SLC7A5: variants seen among roughly 807,000 people sequenced by gnomAD.
SLC7A5 encodes the protein large neutral amino acids transporter small subunit 1.
In SLC7A5, 23 loss-of-function variants were observed where a neutral mutation model predicts 50.2. The ratio of observed to expected loss-of-function variants is 0.46; its 90% CI spans 0.33 to 0.65. The LOEUF is 0.65. SLC7A5 is among the 30% of genes least tolerant of loss of function. The pLI, the probability that SLC7A5 is intolerant of heterozygous loss-of-function variation, is 0.02. For synonymous variants in SLC7A5, 393 were observed against 330.6 expected, an observed-to-expected ratio of 1.19 and a Z score of -2.05; for missense variants, 578 against 684.4, an observed-to-expected ratio of 0.84 and a Z score of 1.73.
At chr16:87,834,681 C>T in intron 8 of SLC7A5, 90 bp from the exon 9 acceptor site, 1 of 1,345,306 alleles carries the variant, frequency 7.4e-7, no homozygotes, top group African/African-American at 1.4e-5. Flanking sequence ...CTGGGCCCTC[C>T]ACACCCACGG....
intron 2 of SLC7A5, among the ~76,000 whole-genome samples, chr16:87,846,903 A>G (rs2055161274): frequency 6.6e-6 from 1 of 152,182 alleles, no homozygotes; most frequent in Non-Finnish European, 1.5e-5. Flanking sequence ...TCCTCCCTGC[A>G]AGGGAGGACA....
At chr16:87,868,583 C>CA (rs2055492230) in intron 1 of SLC7A5, among the ~76,000 whole-genome samples, 1 of 152,166 alleles carries the variant, frequency 6.6e-6, no homozygotes, top group Non-Finnish European at 1.5e-5. Context: ...TCAGCGGGGC[C>CA]AACGGGAGGG....
chr16:87,844,400 C>A (rs546894549), intron 2 of SLC7A5, among the ~76,000 whole-genome samples: 19 of 152,310 alleles, frequency 1.2e-4, no homozygotes, highest in African/African-American at 4.6e-4. Context: ...GAAAAGTGGC[C>A]TTGATCCCTG....
In SLC7A5 at chr16:87,840,488, A is replaced by G. The variant is rs2055069600; in HGVS notation, c.771-15T>C. The G allele has an allele frequency of 6.3e-7, 1 of 1,591,498 alleles. No individual in the cohort carries two copies. The highest frequency in any genetic ancestry group is 8.6e-7 in the Non-Finnish European group (1 of 1,163,556). ...TCAAGTAATTCCTAAAATTTAGAGAACAGCGTTCAAATTATATGATCCTCA... is the reference window on the plus strand; with the variant it reads ...TCAAGTAATTCCTAAAATTTAGAGAGCAGCGTTCAAATTATATGATCCTCA... On this transcript the variant is annotated splice_polypyrimidine_tract_variant and intron_variant, in intron 3 of 9. Transcript: ENST00000261622.
rs1567501978 is a variant in SLC7A5 at position 87,861,330 on chromosome 16, C to T, written c.538+7555G>A. On this transcript the variant is annotated intron_variant, in intron 1 of 9. Coordinates refer to ENST00000261622, the MANE Select transcript of SLC7A5 (RefSeq NM_003486.7). The surrounding 1 kb of genome is among the most constrained non-coding windows in gnomAD (Gnocchi z 4.2). ...AGATGAGCCTCTGACCCACCTGTGT[C>T]CTTACCTGGGCCGACTGGGCCACCC... Among the ~76,000 whole-genome samples the T allele has an allele frequency of 6.6e-6, 1 of 152,098 alleles. No homozygotes were observed. Among genetic ancestry groups the T allele is most frequent in the Non-Finnish European group, 1.5e-5 (1 of 67,990 alleles).
chr16:87,832,637 C>T lies in SLC7A5; in HGVS notation c.*333G>A, dbSNP rs1407798011. 6.3e-6 allele frequency: 1 copy of T among 159,704 alleles called. No homozygotes were observed. The highest frequency in any genetic ancestry group is 1.4e-5 in the Non-Finnish European group (1 of 72,814). 9.9% of individuals were successfully genotyped at this position (159,704 alleles called of 1,614,324 possible). A position where few individuals can be genotyped will look rare whatever the true frequency, so the allele number is the denominator to read the frequency against. On this transcript the variant is annotated 3_prime_UTR_variant, in exon 10 of 10. Transcript: ENST00000261622. This position sits in a 1 kb window ranked among gnomAD's most constrained non-coding sequence, Gnocchi z 4.6. ...GCCTTCCCCCAGCTCCTTAAAAAATCATCTTAGTGGTGTCAAGTTGACCCA... is the reference window on the plus strand; with the variant it reads ...GCCTTCCCCCAGCTCCTTAAAAAATTATCTTAGTGGTGTCAAGTTGACCCA...
In SLC7A5 at chr16:87,861,009, G is replaced by A. The variant is rs1278244418; in HGVS notation, c.538+7876C>T. On this transcript the variant is annotated intron_variant, in intron 1 of 9. Coordinates refer to ENST00000261622, the MANE Select transcript of SLC7A5 (RefSeq NM_003486.7). The surrounding 1 kb of genome is among the most constrained non-coding windows in gnomAD (Gnocchi z 4.2). ...TTCGGCCAGTATCAGGGAAGGAGACGCTGTGGGGGGCCCTCCTGTTGGAAA... is the reference window on the plus strand; with the variant it reads ...TTCGGCCAGTATCAGGGAAGGAGACACTGTGGGGGGCCCTCCTGTTGGAAA... Among the ~76,000 whole-genome samples the A allele has an allele frequency of 2.0e-5, 3 of 152,244 alleles. No homozygotes were observed. Among genetic ancestry groups the A allele is most frequent in the Admixed American group, 6.5e-5 (1 of 15,294 alleles).
chr16:87,831,297 G>A lies in SLC7A5; in HGVS notation c.*1673C>T, dbSNP rs928160820. 6.6e-6 allele frequency: 1 copy of A among 152,362 alleles called. No individual in the cohort carries two copies. Among genetic ancestry groups the A allele is most frequent in the African/African-American group, 2.4e-5 (1 of 41,452 alleles). The allele number at this position is 152,362 out of a possible 1,614,324, so 9.4% of individuals were successfully genotyped here. Reference sequence around the variant, plus strand: ...TGTGCAGCGGGAAGCAACGGGGCAGGGGTGAATAAAGGTCTTCATTCCTCA... The same window carrying A: ...TGTGCAGCGGGAAGCAACGGGGCAGAGGTGAATAAAGGTCTTCATTCCTCA... On this transcript the variant is annotated 3_prime_UTR_variant, in exon 10 of 10. Transcript: ENST00000261622.
chr16:87,851,612 C>T (rs998355033), intron 2 of SLC7A5, 112 bp downstream of exon 2: 4 of 1,319,478 alleles, frequency 3.0e-6, no homozygotes, highest in Admixed American at 1.9e-5. Flanking sequence ...CGTTGTACAG[C>T]ACTGCAGAGC....
chr16:87,868,768 G>A (rs2055494880), intron 1 of SLC7A5, 117 bp downstream of exon 1: 1 of 1,109,770 alleles, frequency 9.0e-7, no homozygotes, highest in Admixed American at 2.0e-5. Context: ...TAGAACTGCC[G>A]GGATGGTCCA....
At chr16:87,840,381 C>G in intron 4 of SLC7A5, 48 bp downstream of exon 4, 1 of 1,514,600 alleles carries the variant, frequency 6.6e-7, no homozygotes, top group Non-Finnish European at 9.2e-7. Context: ...CTTCCTGCCT[C>G]ACATTAAAAT....
rs34380332 is a variant in SLC7A5 at position 87,842,894 on chromosome 16, A to C, written c.665-1739T>G. On this transcript the variant is annotated intron_variant, in intron 2 of 9. Coordinates refer to ENST00000261622, the MANE Select transcript of SLC7A5 (RefSeq NM_003486.7). ...GCACAGCCCCTCTGGCCTCTCTCCCATCTGCTCTCTGATGGAATGTTCTGG... is the reference window on the plus strand; with the variant it reads ...GCACAGCCCCTCTGGCCTCTCTCCCCTCTGCTCTCTGATGGAATGTTCTGG... Among the ~76,000 whole-genome samples, 9 of 151,962 alleles carry C rather than the reference A, an allele frequency of 5.9e-5. No individual in the cohort carries two copies. The East Asian group carries it at 1.6e-3, about 26-fold the overall frequency.
chr16:87,866,334 G>C (rs147950759), intron 1 of SLC7A5, among the ~76,000 whole-genome samples: 2,014 of 152,306 alleles, frequency 0.013, 49 homozygotes, highest in African/African-American at 0.046. Context: ...AACTCTGGGG[G>C]TCGGGGGTGG....
At chr16:87,845,324 C>T (rs563215273) in intron 2 of SLC7A5, among the ~76,000 whole-genome samples, 1 of 152,340 alleles carries the variant, frequency 6.6e-6, no homozygotes, top group Admixed American at 6.5e-5. Flanking sequence ...ATGTGGTCAG[C>T]ACCCTGGAGC....
At position 87,832,758 on chromosome 16, in the gene SLC7A5, C is replaced by G; in HGVS notation, c.*212G>C. The G allele has an allele frequency of 1.8e-6, 1 of 560,162 alleles. No homozygotes were observed. The allele number at this position is 560,162 out of a possible 1,614,324, so 34.7% of individuals were successfully genotyped here. The stretch of plus-strand genomic sequence containing the variant: ...CAAAAGCTGCTCCTGGGCAGGAGCA[C>G]AGGCACACCTGGGTCCCTGGCCCTC... On this transcript the variant is annotated 3_prime_UTR_variant, in exon 10 of 10. Transcript: ENST00000261622. The surrounding 1 kb of genome is among the most constrained non-coding windows in gnomAD (Gnocchi z 4.6).
intron 1 of SLC7A5, among the ~76,000 whole-genome samples, chr16:87,867,288 C>G (rs1597522411): frequency 6.6e-6 from 1 of 152,158 alleles, no homozygotes; most frequent in Non-Finnish European, 1.5e-5. Context: ...CGTTACATAC[C>G]GGGCCGACAT....
rs1282925441 is a variant in SLC7A5, at chr16:87,833,888, CT to C, written c.1468+525del. On this transcript the variant is annotated intron_variant, in intron 9 of 9. Coordinates refer to ENST00000261622, the MANE Select transcript of SLC7A5 (RefSeq NM_003486.7). The surrounding 1 kb of genome is among the most constrained non-coding windows in gnomAD (Gnocchi z 6.0). ...TTTTTTTTTTGAGAAGAGTCTCGCTCTGTCGCCCAGGCTGGAGTGCAATGGT... is the reference window on the plus strand; with the variant it reads ...TTTTTTTTTTGAGAAGAGTCTCGCTCGTCGCCCAGGCTGGAGTGCAATGGT... 6.0e-5 allele frequency among the ~76,000 whole-genome samples: 9 copies of C among 149,584 alleles called. No homozygotes were observed. Among genetic ancestry groups the C allele is most frequent in the African/African-American group, 2.2e-4 (9 of 40,246 alleles).
rs1426169307 is a variant in SLC7A5 at position 87,860,744 on chromosome 16, C to A, written c.538+8141G>T. On this transcript the variant is annotated intron_variant, in intron 1 of 9. Coordinates refer to ENST00000261622, the MANE Select transcript of SLC7A5 (RefSeq NM_003486.7). The surrounding 1 kb of genome is among the most constrained non-coding windows in gnomAD (Gnocchi z 4.8). ...GGCCCACCCCGAGGTCAGGATGACT[C>A]AGCAGGGATCGAGTTTGCGGGCGTC... is the stretch of plus-strand genomic sequence containing the variant. Among the ~76,000 whole-genome samples the A allele has an allele frequency of 1.3e-5, 2 of 152,210 alleles. No individual in the cohort carries two copies. The highest frequency in any genetic ancestry group is 2.9e-5 in the Non-Finnish European group (2 of 68,028).
intron 1 of SLC7A5, among the ~76,000 whole-genome samples, chr16:87,855,830 C>T (rs531720705): frequency 6.6e-6 from 1 of 152,178 alleles, no homozygotes; most frequent in Non-Finnish European, 1.5e-5. Context: ...ACCCACCCCA[C>T]ACGGACTAAT....
Sources: gnomAD v4.1 joint callset for allele counts (sites outside exome capture counted in the v4.1 genomes callset) on GRCh38, gnomAD v4.1.1 for gene constraint, Gnocchi (gnomAD v3.1) non-coding constraint, MANE v1.5 for transcripts, NCBI Gene and HGNC (gene_info 2026-07-23, HGNC 2026-07-21) for gene names.